Variants in PDE7B observed in about 807,000 individuals in gnomAD.
PDE7B encodes the protein phosphodiesterase 7B.
Under a neutral mutation model 56.2 loss-of-function variants are expected in PDE7B, and 29 were observed. The observed-to-expected ratio is 0.52, with a 90% confidence interval of 0.38 to 0.70. The LOEUF (loss-of-function observed/expected upper bound fraction) is 0.70. Among genes scored for constraint, PDE7B ranks in the 30% least tolerant of loss-of-function variants. PDE7B has a pLI of 0.00. For missense variants in PDE7B, 490 were observed against 565.0 expected (o/e 0.87, Z 1.35); for synonymous variants, 197 against 196.9 (o/e 1.00, Z 0.00).
intron 1 of PDE7B, among the ~76,000 whole-genome samples, chr6:135,867,249 A>G (rs1258154757): frequency 1.3e-5 from 2 of 152,210 alleles, no homozygotes; most frequent in Admixed American, 6.5e-5. Context: ...ATAAAAAGAT[A>G]CATATTTCTA....
chr6:135,980,016 C>A (rs1168586105), intron 2 of PDE7B, among the ~76,000 whole-genome samples: 1 of 152,168 alleles, frequency 6.6e-6, no homozygotes, highest in Non-Finnish European at 1.5e-5. Flanking sequence ...AAGCTGAAGG[C>A]ATCATGCTGC....
In PDE7B at chr6:136,021,919, A is replaced by G. The variant is rs371277935; in HGVS notation, c.82+74395A>G. Among the ~76,000 whole-genome samples the G allele has an allele frequency of 3.3e-5, 5 of 152,290 alleles. No individual in the cohort carries two copies. The East Asian group carries it at 7.7e-4, about 24-fold the overall frequency. ...CATCCAAGATCATTCTCTAATCTAC[A>G]TAGCCCAGCATTGTCTGGCCTGGAA... is the stretch of plus-strand genomic sequence containing the variant. On this transcript the variant is annotated intron_variant, in intron 2 of 12. Coordinates refer to ENST00000308191, the MANE Select transcript of PDE7B (RefSeq NM_018945.4).
At chr6:136,009,787 A>G (rs1775856071) in intron 2 of PDE7B, among the ~76,000 whole-genome samples, 2 of 152,184 alleles carry the variant, frequency 1.3e-5, no homozygotes, top group African/African-American at 4.8e-5. Context: ...AAACAGGGAC[A>G]ATTTGACTTC....
chr6:136,174,258 C>T (rs770420009), intron 9 of PDE7B, among the ~76,000 whole-genome samples: 1 of 152,090 alleles, frequency 6.6e-6, no homozygotes, highest in Non-Finnish European at 1.5e-5. Flanking sequence ...AAGAAGGAAC[C>T]CAGGCATTCT....
At chr6:135,938,208 A>G (rs768541414) in intron 1 of PDE7B, among the ~76,000 whole-genome samples, 7 of 152,208 alleles carry the variant, frequency 4.6e-5, no homozygotes, top group Non-Finnish European at 2.9e-5. Context: ...TTTCTCCAAC[A>G]CAAAGTGTCT....
At chr6:136,094,050 G>A (rs1777433981) in intron 2 of PDE7B, 1 of 154,066 alleles carries the variant, frequency 6.5e-6, no homozygotes, top group Non-Finnish European at 1.4e-5. Flanking sequence ...AGGCTGGGAA[G>A]TCCAAGATCA....
At chr6:136,172,578 G>A (rs1322210349) in intron 8 of PDE7B, among the ~76,000 whole-genome samples, 1 of 151,972 alleles carries the variant, frequency 6.6e-6, no homozygotes, top group African/African-American at 2.4e-5. Context: ...CTCCCATTTT[G>A]TAGGTTGCCT....
chr6:136,046,377 C>G (rs1562478761), intron 2 of PDE7B: 1 of 152,164 alleles, frequency 6.6e-6, no homozygotes, highest in Admixed American at 6.5e-5. Flanking sequence ...TTGAGCCCAC[C>G]CTGATGGGGA....
intron 2 of PDE7B, among the ~76,000 whole-genome samples, chr6:135,998,960 G>C (rs1452488297): frequency 6.6e-6 from 1 of 151,968 alleles, no homozygotes; most frequent in Non-Finnish European, 1.5e-5. Context: ...AATTTGCAAG[G>C]GAGGTTGGGA....
intron 3 of PDE7B, among the ~76,000 whole-genome samples, chr6:136,132,249 T>C (rs1247697062): frequency 6.6e-6 from 1 of 152,038 alleles, no homozygotes; most frequent in Non-Finnish European, 1.5e-5. Context: ...CATCTATGAG[T>C]TTGGCTACTT....
rs533360725 is a variant in PDE7B at position 136,058,741 on chromosome 6, A to T, written c.83-49990A>T. On this transcript the variant is annotated intron_variant, in intron 2 of 12. Coordinates refer to ENST00000308191, the MANE Select transcript of PDE7B (RefSeq NM_018945.4). ...ATGTAAGAGAGGGGATGAGGAAGAGAGATTTTAATGGGTGGTATTTTACAG... is the reference window on the plus strand; with the variant it reads ...ATGTAAGAGAGGGGATGAGGAAGAGTGATTTTAATGGGTGGTATTTTACAG... Among the ~76,000 whole-genome samples, 5 of 152,220 alleles carry T rather than the reference A, an allele frequency of 3.3e-5. No homozygotes were observed. The Middle Eastern group carries it at 0.014, about 414-fold the overall frequency.
intron 12 of PDE7B, 26 bp from the exon 13 acceptor site, chr6:136,191,588 G>A (rs1779225719): frequency 6.3e-7 from 1 of 1,594,212 alleles, no homozygotes; most frequent in Non-Finnish European, 8.6e-7. Flanking sequence ...ACGCTGTGAT[G>A]CTGAGCCTTG....
At position 136,147,431 on chromosome 6, in the gene PDE7B, A is replaced by G. The variant is rs557764880; in HGVS notation, c.247A>G (p.Arg83Gly). 5 of 1,613,524 alleles carry G rather than the reference A, an allele frequency of 3.1e-6. No individual in the cohort carries two copies. Among genetic ancestry groups the G allele is most frequent in the South Asian group, 1.1e-5 (1 of 91,068 alleles). Residue 83 changes from arginine (R) to glycine (G), a missense_variant, in exon 4 of 13, where the codon AGG becomes GGG. Transcript: ENST00000308191. Reference protein sequence around the residue: ...LSFQRYFHASRLLRGIIPQAP... With the variant: ...LSFQRYFHASGLLRGIIPQAP... ...CTTTCAAAGATACTTCCATGCATCA[A>G]GGCTGCTTCGTGGAATTATACCACA...
At chr6:135,933,016 GT>G (rs1018055162) in intron 1 of PDE7B, among the ~76,000 whole-genome samples, 5 of 152,178 alleles carry the variant, frequency 3.3e-5, no homozygotes, top group Non-Finnish European at 7.3e-5. Flanking sequence ...CCTTCTGTGT[GT>G]TATCTCATTT....
At chr6:136,188,625 C>T (rs1029221464) in intron 12 of PDE7B, among the ~76,000 whole-genome samples, 1 of 152,182 alleles carries the variant, frequency 6.6e-6, no homozygotes, top group Non-Finnish European at 1.5e-5. Context: ...AAAGGACTCA[C>T]GTGGTTCAGC....
intron 1 of PDE7B, among the ~76,000 whole-genome samples, chr6:135,906,712 C>T (rs559139255): frequency 7.3e-5 from 11 of 150,812 alleles, no homozygotes; most frequent in African/African-American, 2.4e-4. Flanking sequence ...ATGGTATGAA[C>T]GTACTTATAT....
chr6:135,865,340 A>G (rs78046498), intron 1 of PDE7B, among the ~76,000 whole-genome samples: 5,321 of 152,094 alleles, frequency 0.035, 262 homozygotes, highest in African/African-American at 0.11. Flanking sequence ...CTTCATCTGT[A>G]TCTAATCTGT....
chr6:135,861,599 T>C (rs1017739650), intron 1 of PDE7B, among the ~76,000 whole-genome samples: 6 of 151,206 alleles, frequency 4.0e-5, no homozygotes, highest in African/African-American at 1.5e-4. Flanking sequence ...ATCTCATGTT[T>C]TATTCTTCTC....
At position 136,195,478 on chromosome 6, in the gene PDE7B, G is replaced by C. The variant is rs202222454; in HGVS notation, c.*3638G>C. 1.8e-5 allele frequency: 1 copy of C among 54,654 alleles called. No individual in the cohort carries two copies. Among genetic ancestry groups the C allele is most frequent in the Non-Finnish European group, 4.2e-5 (1 of 23,674 alleles). The allele number at this position is 54,654 out of a possible 1,614,324, so 3.4% of individuals were successfully genotyped here. The stretch of plus-strand genomic sequence containing the variant: ...TTGAAAAAAAAAAAAAAAAAAAAAA[G>C]AACTACCTTGTGAGTTTTGCTCAAA... On this transcript the variant is annotated 3_prime_UTR_variant, in exon 13 of 13. Transcript: ENST00000308191.
Sources: gnomAD v4.1 joint callset for allele counts (sites outside exome capture counted in the v4.1 genomes callset) on GRCh38, gnomAD v4.1.1 for gene constraint, MANE v1.5 for transcripts, NCBI Gene and HGNC (gene_info 2026-07-23, HGNC 2026-07-21) for gene names.